CD2: variants seen among roughly 807,000 people sequenced by gnomAD.
The protein encoded by CD2 is CD2 molecule.
In CD2, 18 loss-of-function variants were observed where a neutral mutation model predicts 23.2. That is an observed-to-expected ratio of 0.77 (90% CI 0.54 to 1.15). The LOEUF (loss-of-function observed/expected upper bound fraction) is 1.15. CD2 is among the 50% of genes most tolerant of loss of function. The pLI is 0.00. For missense variants in CD2, 424 were observed against 423.1 expected (o/e 1.00, Z -0.02); for synonymous variants, 162 against 151.9 (o/e 1.07, Z -0.49).
At chr1:116,756,146 C>T (rs1651841603) in intron 2 of CD2, among the ~76,000 whole-genome samples, 1 of 152,112 alleles carries the variant, frequency 6.6e-6, no homozygotes, top group African/African-American at 2.4e-5. Flanking sequence ...ACTTTCCACA[C>T]CCTAGTCCTG....
At position 116,768,529 on chromosome 1, in the gene CD2, A is replaced by G. The variant is rs777632148; in HGVS notation, c.802A>G (p.Ile268Val). Reference protein sequence around the residue: ...TEERGRKPHQIPASTPQNPAT... With the variant: ...TEERGRKPHQVPASTPQNPAT... ...AGAAAGGGGCCGGAAGCCCCACCAAATTCCAGCTTCAACCCCTCAGAATCC... is the reference window on the plus strand; with the variant it reads ...AGAAAGGGGCCGGAAGCCCCACCAAGTTCCAGCTTCAACCCCTCAGAATCC... The change falls in exon 5 of 5, where the codon ATT becomes GTT. Residue 268 changes from isoleucine to valine, a missense_variant. Physicochemically the swap from Ile to Val is conservative, Grantham distance 29. Transcript: ENST00000369478. The G allele has an allele frequency of 3.7e-6, 6 of 1,613,952 alleles. No individual in the cohort carries two copies. The African/African-American group carries it at 8.0e-5, about 22-fold the overall frequency.
intron 3 of CD2, among the ~76,000 whole-genome samples, chr1:116,762,906 A>T (rs953248728): frequency 1.3e-5 from 2 of 152,202 alleles, no homozygotes; most frequent in Admixed American, 6.5e-5. Flanking sequence ...CCAAGATAAA[A>T]TTGTGGCCAC....
At chr1:116,768,031 A>G (rs1652267935) in intron 4 of CD2, among the ~76,000 whole-genome samples, 1 of 152,212 alleles carries the variant, frequency 6.6e-6, no homozygotes, top group African/African-American at 2.4e-5. Flanking sequence ...GGGGAAAGGC[A>G]GATCTAACAT....
intron 3 of CD2, among the ~76,000 whole-genome samples, chr1:116,762,438 T>G (rs912925628): frequency 6.6e-6 from 1 of 152,078 alleles, no homozygotes; most frequent in African/African-American, 2.4e-5. Flanking sequence ...GAGCAGAAGC[T>G]CATTGCGAGA....
intron 2 of CD2, among the ~76,000 whole-genome samples, chr1:116,758,691 G>T (rs958943567): frequency 6.6e-6 from 1 of 152,136 alleles, no homozygotes; most frequent in African/African-American, 2.4e-5. Context: ...CTACATGGGG[G>T]ACCATGTTGG....
At chr1:116,765,870 T>C (rs545439175) in intron 4 of CD2, among the ~76,000 whole-genome samples, 1 of 152,336 alleles carries the variant, frequency 6.6e-6, no homozygotes, top group Non-Finnish European at 1.5e-5. Flanking sequence ...GATAAAAAAG[T>C]CGTTAGTCTC....
Position 116,768,650 on chromosome 1 carries a change from C to T in CD2, c.923C>T (p.Pro308Leu), listed in dbSNP as rs1389347549. 1 of 1,614,018 alleles carries T rather than the reference C, an allele frequency of 6.2e-7. No individual in the cohort carries two copies. The highest frequency in any genetic ancestry group is 1.3e-5 in the African/African-American group (1 of 74,888). ...PPPGHRVQHQ[P>L]QKRPPAPSGT... ...CCTGGACACCGTGTTCAGCACCAGC[C>T]TCAGAAGAGGCCTCCTGCTCCGTCG... is the stretch of plus-strand genomic sequence containing the variant. Residue 308 changes from proline (P) to leucine (L), a missense_variant, in exon 5 of 5, where the codon CCT becomes CTT. Physicochemically the swap from Pro to Leu is moderately conservative, Grantham distance 98. Coordinates refer to ENST00000369478, the MANE Select transcript of CD2 (RefSeq NM_001767.5).
In CD2 at chr1:116,769,087, A is replaced by G; in HGVS notation, c.*304A>G. On this transcript the variant is annotated 3_prime_UTR_variant, in exon 5 of 5. Transcript: ENST00000369478. ...TTGTCCCCTCTCAGGTCATGTGTAG[A>G]TGCGATAAATCAAGTGATTGGTGTG... 1 of 311,420 alleles carries G rather than the reference A, an allele frequency of 3.2e-6. No individual in the cohort carries two copies. Among genetic ancestry groups the G allele is most frequent in the Non-Finnish European group, 5.9e-6 (1 of 169,078 alleles). The allele number at this position is 311,420 out of a possible 1,614,324, so 19.3% of individuals were successfully genotyped here.
At chr1:116,757,752 T>G (rs138756891) in intron 2 of CD2, among the ~76,000 whole-genome samples, 13,042 of 140,580 alleles carry the variant, frequency 0.093, 1,038 homozygotes, top group African/African-American at 0.21. Context: ...TATATATATA[T>G]AGAGAGAGAG....
intron 2 of CD2, among the ~76,000 whole-genome samples, chr1:116,757,245 C>T (rs1367220651): frequency 6.6e-6 from 1 of 152,138 alleles, no homozygotes; most frequent in Non-Finnish European, 1.5e-5. Flanking sequence ...GATCCGCCTG[C>T]ATCGGCCTCC....
At chr1:116,760,653 C>T in intron 3 of CD2, 21 bp downstream of exon 3, 1 of 1,587,542 alleles carries the variant, frequency 6.3e-7, no homozygotes, top group Non-Finnish European at 8.6e-7. Flanking sequence ...GGCATCACTT[C>T]ACAAACACAG....
In CD2 at chr1:116,754,531, G is replaced by A. The variant is rs535708819; in HGVS notation, c.39G>A (p.Leu13=). Residue 13 remains leucine, a synonymous_variant, in exon 1 of 5, where the codon CTG becomes CTA. Coordinates refer to ENST00000369478, the MANE Select transcript of CD2 (RefSeq NM_001767.5). ...GTAAATTTGTAGCCAGCTTCCTTCTGATTTTCAATGTTTCTTCCAAAGGTA... is the reference window on the plus strand; with the variant it reads ...GTAAATTTGTAGCCAGCTTCCTTCTAATTTTCAATGTTTCTTCCAAAGGTA... ...FPCKFVASFL[L]IFNVSSKGAV... 1 of 1,614,018 alleles carries A rather than the reference G, an allele frequency of 6.2e-7. No homozygotes were observed. The highest frequency in any genetic ancestry group is 1.3e-5 in the African/African-American group (1 of 75,000).
Position 116,754,881 on chromosome 1 carries a change from C to T in CD2, c.312C>T (p.Ile104=). 3.1e-6 allele frequency: 5 copies of T among 1,612,252 alleles called. No homozygotes were observed. Among genetic ancestry groups the T allele is most frequent in the Non-Finnish European group, 4.2e-6 (5 of 1,178,562 alleles). Residue 104 remains isoleucine, a synonymous_variant, in exon 2 of 5, where the codon ATC becomes ATT. Coordinates refer to ENST00000369478, the MANE Select transcript of CD2 (RefSeq NM_001767.5). ...IKHLKTDDQD[I]YKVSIYDTKG... ...ATCTGAAGACCGATGATCAGGATAT[C>T]TACAAGGTATCAATATATGATACAA...
intron 2 of CD2, among the ~76,000 whole-genome samples, chr1:116,756,083 T>C (rs1651839828): frequency 6.6e-6 from 1 of 152,118 alleles, no homozygotes; most frequent in Admixed American, 6.5e-5. Flanking sequence ...CCAGATAGTG[T>C]CAGATTGCCC....
At chr1:116,758,421 C>T (rs961385812) in intron 2 of CD2, among the ~76,000 whole-genome samples, 2 of 152,166 alleles carry the variant, frequency 1.3e-5, no homozygotes, top group African/African-American at 2.4e-5. Context: ...GTCTCCAGCC[C>T]CATCTTCAGC....
chr1:116,763,070 C>T (rs1652107546), intron 3 of CD2, among the ~76,000 whole-genome samples: 1 of 152,210 alleles, frequency 6.6e-6, no homozygotes, highest in Non-Finnish European at 1.5e-5. Context: ...TCTCCTGCCC[C>T]TCGTCCAAGC....
rs781675824 is a variant in CD2 at position 116,768,721 on chromosome 1, C to G, written c.994C>G (p.Arg332Gly). The change falls in exon 5 of 5, where the codon CGA becomes GGA. Residue 332 changes from arginine (R) to glycine (G), a missense_variant. Transcript: ENST00000369478. The stretch of plus-strand genomic sequence containing the variant: ...GAAAGGCCCGCCCCTCCCCAGACCT[C>G]GAGTTCAGCCAAAACCTCCCCATGG... ...QQKGPPLPRPRVQPKPPHGAA... is the reference protein window; with the variant it reads ...QQKGPPLPRPGVQPKPPHGAA... 21 of 1,614,022 alleles carry G rather than the reference C, an allele frequency of 1.3e-5. No homozygotes were observed. Among genetic ancestry groups the G allele is most frequent in the Non-Finnish European group, 1.8e-5 (21 of 1,180,040 alleles).
chr1:116,760,629 C>T lies in CD2; in HGVS notation c.610C>T (p.Pro204Ser). Residue 204 changes from proline (P) to serine (S), a missense_variant, in exon 3 of 5, where the codon CCA (proline) becomes TCA (serine). Transcript: ENST00000369478. The part of the protein sequence containing the change: ...KESSVEPVSC[P>S]EKGLDIYLII... Reference sequence around the variant, plus strand: ...ATCCAGTGTCGAGCCTGTCAGCTGTCCAGGTGCGTGGCGGGCATCACTTCA... The same window carrying T: ...ATCCAGTGTCGAGCCTGTCAGCTGTTCAGGTGCGTGGCGGGCATCACTTCA... The T allele has an allele frequency of 6.2e-7, 1 of 1,613,396 alleles. No homozygotes were observed. Among genetic ancestry groups the T allele is most frequent in the Non-Finnish European group, 8.5e-7 (1 of 1,179,304 alleles).
chr1:116,765,558 G>A (rs962352954), intron 4 of CD2, among the ~76,000 whole-genome samples: 2 of 152,060 alleles, frequency 1.3e-5, no homozygotes, highest in Admixed American at 1.3e-4. Context: ...GTCCCATCAC[G>A]TCACTACCCC....
Sources: allele counts gnomAD v4.1 joint callset (sites outside exome capture counted in the v4.1 genomes callset), GRCh38; gene constraint gnomAD v4.1.1; transcripts MANE v1.5; gene names NCBI Gene and HGNC (gene_info 2026-07-23, HGNC 2026-07-21).